DIAPH3: variants seen among roughly 807,000 people sequenced by gnomAD.
DIAPH3 encodes the protein protein diaphanous homolog 3.
Under a neutral mutation model 144.3 loss-of-function variants are expected in DIAPH3, and 117 were observed. That is an observed-to-expected ratio of 0.81 (90% CI 0.70 to 0.95). The LOEUF is 0.95. DIAPH3 is among the 40% of genes least tolerant of loss of function. The probability of loss-of-function intolerance (pLI) is 0.00; values close to 1 mark genes in which losing one functional copy is unlikely to be tolerated. For missense variants in DIAPH3, 1,421 were observed against 1,412.7 expected (o/e 1.01, Z -0.09); for synonymous variants, 519 against 488.9 (o/e 1.06, Z -0.81).
At chr13:59,710,278 TG>T (rs1387249240) in intron 27 of DIAPH3, among the ~76,000 whole-genome samples, 3 of 150,056 alleles carry the variant, frequency 2.0e-5, no homozygotes, top group South Asian at 2.1e-4. Flanking sequence ...AAATTTATTT[TG>T]GAAAAAAAAA....
At chr13:59,862,985 A>G (rs1183139846) in intron 21 of DIAPH3, among the ~76,000 whole-genome samples, 5 of 152,172 alleles carry the variant, frequency 3.3e-5, no homozygotes, top group African/African-American at 1.2e-4. Flanking sequence ...TTTCCTCCCA[A>G]AGCTAATTAG....
chr13:59,978,194 T>A (rs1448066438), intron 14 of DIAPH3, among the ~76,000 whole-genome samples: 2 of 151,662 alleles, frequency 1.3e-5, no homozygotes, highest in African/African-American at 4.8e-5. Flanking sequence ...GTGTCTTACA[T>A]CTATAATTAA....
In DIAPH3 at chr13:59,916,128, AAAT is replaced by A. The variant is rs1229712726; in HGVS notation, c.2265+24_2265+26del. On this transcript the variant is annotated intron_variant, in intron 19 of 27. Transcript: ENST00000400324. ...ATGAGAAGCTTGCAATGAAATATTG[AAAT>A]TTAAGCTGTGCCTGTTTGTTTACCT... The A allele has an allele frequency of 1.9e-6, 3 of 1,579,604 alleles. No individual in the cohort carries two copies. The South Asian group carries it at 3.3e-5, about 17-fold the overall frequency.
At chr13:59,827,428 T>G (rs968426963) in intron 24 of DIAPH3, among the ~76,000 whole-genome samples, 1 of 151,958 alleles carries the variant, frequency 6.6e-6, no homozygotes, top group Non-Finnish European at 1.5e-5. Flanking sequence ...TATTTTGAAA[T>G]AGATTACCCG....
chr13:59,829,882 G>A lies in DIAPH3; in HGVS notation c.3027+3225C>T, dbSNP rs559211117. ...GGAGTAGGTATGGAGTGAAGACAGT[G>A]GTTCCAACCCCTGATATGTAATACA... On this transcript the variant is annotated intron_variant, in intron 24 of 27. Coordinates refer to ENST00000400324, the MANE Select transcript of DIAPH3 (RefSeq NM_001042517.2). Among the ~76,000 whole-genome samples, 6 of 151,880 alleles carry A rather than the reference G, an allele frequency of 4.0e-5. No homozygotes were observed. The South Asian group carries it at 1.2e-3, about 32-fold the overall frequency.
intron 23 of DIAPH3, among the ~76,000 whole-genome samples, chr13:59,834,317 G>A (rs1369910589): frequency 1.3e-5 from 2 of 151,538 alleles, no homozygotes. Flanking sequence ...AACATTTAAC[G>A]AAATGGAACA....
chr13:60,163,504 C>G lies in DIAPH3; in HGVS notation c.180+83G>C, dbSNP rs1952397357. 7 of 1,563,654 alleles carry G rather than the reference C, an allele frequency of 4.5e-6. No homozygotes were observed. The South Asian group carries it at 8.1e-5, about 18-fold the overall frequency. On this transcript the variant is annotated intron_variant, in intron 1 of 27. Transcript: ENST00000400324. ...GGATCTCTAGAATAAAACTTGGTCCCCAAGTTCTTGTGGGCCCACCCTCGG... is the reference window on the plus strand; with the variant it reads ...GGATCTCTAGAATAAAACTTGGTCCGCAAGTTCTTGTGGGCCCACCCTCGG...
intron 19 of DIAPH3, among the ~76,000 whole-genome samples, chr13:59,912,331 T>A (rs557176589): frequency 4.1e-4 from 62 of 152,258 alleles, no homozygotes; most frequent in Admixed American, 3.7e-3. Context: ...GATTTACCAA[T>A]AGGATTACAG....
intron 25 of DIAPH3, among the ~76,000 whole-genome samples, chr13:59,809,915 T>C (rs1385868627): frequency 3.9e-5 from 6 of 152,190 alleles, no homozygotes; most frequent in African/African-American, 1.4e-4. Context: ...AAAGCCTTGT[T>C]CAATCCTTAC....
At chr13:59,740,354 T>C (rs1055147720) in intron 27 of DIAPH3, among the ~76,000 whole-genome samples, 7 of 152,198 alleles carry the variant, frequency 4.6e-5, no homozygotes, top group African/African-American at 1.4e-4. Context: ...TCTCTTTACC[T>C]TGGAGATGAG....
At chr13:59,810,678 A>C in intron 25 of DIAPH3, 110 bp downstream of exon 25, 1 of 1,190,864 alleles carries the variant, frequency 8.4e-7, no homozygotes, top group South Asian at 1.4e-5. Flanking sequence ...TAATTACAGA[A>C]ACAAGTGGTT....
intron 27 of DIAPH3, among the ~76,000 whole-genome samples, chr13:59,713,934 C>CATCATGG (rs1334674804): frequency 2.0e-5 from 3 of 152,184 alleles, no homozygotes; most frequent in African/African-American, 7.2e-5. Flanking sequence ...TCAGGCCTGG[C>CATCATGG]ATCATGGCTC....
intron 2 of DIAPH3, among the ~76,000 whole-genome samples, chr13:60,125,394 ATTTTTTTTTTT>A (rs56267083): frequency 0.32 from 31,581 of 98,290 alleles, 4,180 homozygotes; most frequent in South Asian, 0.4. Context: ...CACCCAGCTA[ATTTTTTTTTTT>A]TTTTTTTTTT....
intron 27 of DIAPH3, among the ~76,000 whole-genome samples, chr13:59,705,225 C>G (rs2034351335): frequency 6.6e-6 from 1 of 152,128 alleles, no homozygotes; most frequent in Non-Finnish European, 1.5e-5. Flanking sequence ...AAATAACCAC[C>G]TACTTTCTTG....
intron 2 of DIAPH3, 42 bp downstream of exon 2, chr13:60,132,915 A>G (rs771807699): frequency 6.5e-7 from 1 of 1,529,096 alleles, no homozygotes; most frequent in Non-Finnish European, 9.1e-7. Flanking sequence ...TTATATGGTT[A>G]GTTACAATTC....
At chr13:59,917,944 A>G (rs145613150) in intron 18 of DIAPH3, among the ~76,000 whole-genome samples, 59 of 150,850 alleles carry the variant, frequency 3.9e-4, no homozygotes, top group African/African-American at 1.4e-3. Context: ...AAAATTACAA[A>G]AGACAACTCC....
At chr13:60,080,079 C>G (rs965114050) in intron 4 of DIAPH3, among the ~76,000 whole-genome samples, 7 of 151,748 alleles carry the variant, frequency 4.6e-5, no homozygotes. Context: ...CTCCAGGAAA[C>G]AAAGTATAGT....
chr13:60,139,902 T>A (rs530133627), intron 1 of DIAPH3, among the ~76,000 whole-genome samples: 1 of 152,332 alleles, frequency 6.6e-6, no homozygotes, highest in East Asian at 1.9e-4. Flanking sequence ...GATGAAAAAC[T>A]CTTTTGCAAC....
At chr13:59,684,543 C>T (rs749567733) in intron 27 of DIAPH3, among the ~76,000 whole-genome samples, 1 of 152,170 alleles carries the variant, frequency 6.6e-6, no homozygotes, top group Non-Finnish European at 1.5e-5. Context: ...GATGATTAAA[C>T]AAGCTAAGCC....
Sources: allele counts gnomAD v4.1 joint callset (sites outside exome capture counted in the v4.1 genomes callset), GRCh38; gene constraint gnomAD v4.1.1; transcripts MANE v1.5; gene names NCBI Gene and HGNC (gene_info 2026-07-23, HGNC 2026-07-21).